The following WDR59 variants were observed in gnomAD, a reference collection of about 807,000 sequenced individuals.
WDR59 encodes GATOR2 complex protein WDR59.
WDR59 carries 100 observed loss-of-function variants against 131.2 expected under a neutral mutation model. That is an observed-to-expected ratio of 0.76 (90% CI 0.65 to 0.90). The LOEUF (loss-of-function observed/expected upper bound fraction) is 0.90, where lower values mean the gene tolerates loss of function less well. Among genes scored for constraint, WDR59 ranks in the 40% least tolerant of loss-of-function variants. The probability of loss-of-function intolerance (pLI) is 0.00; values close to 1 mark genes in which losing one functional copy is unlikely to be tolerated. For missense variants in WDR59, 1,203 were observed against 1,262.2 expected (o/e 0.95, Z 0.71); for synonymous variants, 601 against 466.2 (o/e 1.29, Z -3.72).
At chr16:74,980,957 T>G (rs2034379330) in intron 1 of WDR59, among the ~76,000 whole-genome samples, 1 of 148,776 alleles carries the variant, frequency 6.7e-6, no homozygotes, top group African/African-American at 2.5e-5. Flanking sequence ...AGAGCGAGAC[T>G]CCATCTCAAA....
At chr16:74,984,387 G>C (rs775269711) in intron 1 of WDR59, among the ~76,000 whole-genome samples, 1 of 152,128 alleles carries the variant, frequency 6.6e-6, no homozygotes, top group African/African-American at 2.4e-5. Context: ...TGACGTGTAC[G>C]GAGTGATGAC....
At chr16:74,875,773 A>G (rs1964182244) in intron 25 of WDR59, among the ~76,000 whole-genome samples, 1 of 151,926 alleles carries the variant, frequency 6.6e-6, no homozygotes, top group Non-Finnish European at 1.5e-5. Context: ...CAAAACCTCT[A>G]CCCTGGATGA....
intron 8 of WDR59, among the ~76,000 whole-genome samples, chr16:74,932,580 C>G (rs1322281113): frequency 6.6e-6 from 1 of 152,146 alleles, no homozygotes; most frequent in Non-Finnish European, 1.5e-5. Flanking sequence ...CCTCAACCTC[C>G]TCGGCTCCAA....
intron 11 of WDR59, 66 bp from the exon 12 acceptor site, chr16:74,916,325 A>C: frequency 6.2e-7 from 1 of 1,601,588 alleles, no homozygotes; most frequent in East Asian, 2.2e-5. Context: ...TGTCTGATTA[A>C]AGAGTTCTGA....
intron 1 of WDR59, among the ~76,000 whole-genome samples, chr16:74,968,422 G>GT (rs1415756301): frequency 1.3e-5 from 2 of 152,070 alleles, no homozygotes; most frequent in African/African-American, 4.8e-5. Flanking sequence ...GGATGTTGTT[G>GT]TAAGATGCTA....
At chr16:74,972,291 A>C (rs1374960094) in intron 1 of WDR59, among the ~76,000 whole-genome samples, 1 of 152,226 alleles carries the variant, frequency 6.6e-6, no homozygotes, top group Non-Finnish European at 1.5e-5. Flanking sequence ...CTGATGGCTA[A>C]TGAAGGAAAT....
chr16:74,916,679 T>A (rs1358141357), intron 11 of WDR59, among the ~76,000 whole-genome samples: 1 of 151,738 alleles, frequency 6.6e-6, no homozygotes, highest in Non-Finnish European at 1.5e-5. Context: ...GCCAAGAGGG[T>A]GAAATGCCGT....
At chr16:74,972,938 C>T (rs575555896) in intron 1 of WDR59, among the ~76,000 whole-genome samples, 12 of 147,470 alleles carry the variant, frequency 8.1e-5, no homozygotes, top group African/African-American at 2.7e-4. Context: ...AATTTCTATT[C>T]AAATTAGATA....
chr16:74,952,572 A>C (rs2033069304), intron 3 of WDR59, among the ~76,000 whole-genome samples: 1 of 151,868 alleles, frequency 6.6e-6, no homozygotes, highest in African/African-American at 2.4e-5. Flanking sequence ...GTTAAGCAGA[A>C]AGTGACAAGG....
In WDR59 at chr16:74,889,753, C is replaced by T. The variant is rs1213686686; in HGVS notation, c.2145G>A (p.Leu715=). ...ATGGATGTCGAGCCCAGGGTGTTTC[C>T]AAATCTGGGTCAGATTTCGGACCAA... ...LCLGPKSDPD[L]ETPWARHPFG... is the part of the protein sequence containing the mutation. The change falls in exon 21 of 26, where the codon TTG becomes TTA. Residue 715 remains leucine, a synonymous_variant. Coordinates refer to ENST00000262144, the MANE Select transcript of WDR59 (RefSeq NM_030581.4). The T allele has an allele frequency of 6.2e-7, 1 of 1,614,014 alleles. No homozygotes were observed. Among genetic ancestry groups the T allele is most frequent in the African/African-American group, 1.3e-5 (1 of 74,908 alleles).
chr16:74,983,477 A>G (rs796217833), intron 1 of WDR59, among the ~76,000 whole-genome samples: 19 of 152,096 alleles, frequency 1.2e-4, no homozygotes, highest in African/African-American at 4.6e-4. Flanking sequence ...TGTCTCAAAA[A>G]AAAAGGTAAA....
Position 74,985,062 on chromosome 16 carries a change from C to A in WDR59, c.-45G>T. 2.6e-6 allele frequency: 4 copies of A among 1,524,312 alleles called. No individual in the cohort carries two copies. The highest frequency in any genetic ancestry group is 3.6e-6 in the Non-Finnish European group (4 of 1,122,704). 94.4% of individuals were successfully genotyped at this position (1,524,312 alleles called of 1,614,324 possible). A position where few individuals can be genotyped will look rare whatever the true frequency, so the allele number is the denominator to read the frequency against. ...CGGCCCCAGGACGGCGCCCTCCCAC[C>A]CCGCCGTCCCCAGTATCCCGGGACC... On this transcript the variant is annotated 5_prime_UTR_variant, in exon 1 of 26. Transcript: ENST00000262144.
At chr16:74,903,912 G>C in intron 18 of WDR59, 35 bp downstream of exon 18, 1 of 1,584,104 alleles carries the variant, frequency 6.3e-7, no homozygotes, top group Non-Finnish European at 8.6e-7. Flanking sequence ...CCAGGAGAAG[G>C]GGTAAGAATC....
At chr16:74,912,121 G>T (rs1205596770) in intron 14 of WDR59, 77 bp downstream of exon 14, 8 of 1,591,970 alleles carry the variant, frequency 5.0e-6, no homozygotes, top group Admixed American at 1.7e-5. Context: ...ATCTACTGGA[G>T]TTTTCATTCT....
chr16:74,892,130 G>A (rs1226404595), intron 20 of WDR59, among the ~76,000 whole-genome samples: 1 of 151,998 alleles, frequency 6.6e-6, no homozygotes, highest in African/African-American at 2.4e-5. Flanking sequence ...CTATCTAAAG[G>A]AGCACTTTGG....
At chr16:74,981,161 C>A (rs917026319) in intron 1 of WDR59, among the ~76,000 whole-genome samples, 3 of 151,308 alleles carry the variant, frequency 2.0e-5, no homozygotes, top group South Asian at 2.1e-4. Flanking sequence ...GTCAGGAGAT[C>A]GAGACCATCC....
intron 6 of WDR59, among the ~76,000 whole-genome samples, chr16:74,943,606 T>C (rs774776185): frequency 1.3e-5 from 2 of 152,166 alleles, no homozygotes; most frequent in Admixed American, 6.5e-5. Flanking sequence ...AAATAAATCA[T>C]TAATCAAGAA....
intron 21 of WDR59, 191 bp downstream of exon 21, chr16:74,889,512 A>T (rs8049858): frequency 0.99 from 549,394 of 556,942 alleles, 271,373 homozygotes; most frequent in East Asian, 1. Flanking sequence ...ATGACAAGTA[A>T]TGTATGGTTC....
chr16:74,904,651 T>C (rs1285693378), intron 17 of WDR59, among the ~76,000 whole-genome samples: 2 of 150,000 alleles, frequency 1.3e-5, no homozygotes, highest in Non-Finnish European at 3.0e-5. Context: ...GCAGGCTTTT[T>C]AGTAGGAACT....
Sources: allele counts gnomAD v4.1 joint callset (sites outside exome capture counted in the v4.1 genomes callset), GRCh38; gene constraint gnomAD v4.1.1; transcripts MANE v1.5; gene names NCBI Gene and HGNC (gene_info 2026-07-23, HGNC 2026-07-21).